Variants in MIB1 observed in about 807,000 individuals in gnomAD.
The protein encoded by MIB1 is E3 ubiquitin-protein ligase MIB1.
Under a neutral mutation model 124.5 loss-of-function variants are expected in MIB1, and 278 were observed. That is an observed-to-expected ratio of 2.23 (90% CI 2.02 to 2.47). The LOEUF (loss-of-function observed/expected upper bound fraction) is 2.47. Among genes scored for constraint, MIB1 ranks in the 30% most tolerant of loss-of-function variants. MIB1 has a pLI of 0.00. For synonymous variants in MIB1, 446 were observed against 429.4 expected (o/e 1.04, Z -0.48); for missense variants, 957 against 1,254.4 (o/e 0.76, Z 3.58).
At chr18:21,730,702 T>A (rs1186543766) in intron 1 of MIB1, among the ~76,000 whole-genome samples, 1 of 152,246 alleles carries the variant, frequency 6.6e-6, no homozygotes, top group East Asian at 1.9e-4. Context: ...ATTAGTTTGA[T>A]GGTCTGCCAA....
At chr18:21,769,971 AG>A (rs1315513011) in intron 3 of MIB1, among the ~76,000 whole-genome samples, 1 of 152,226 alleles carries the variant, frequency 6.6e-6, no homozygotes, top group East Asian at 1.9e-4. Context: ...TGGGAGGCTG[AG>A]GCGGGTGGAT....
intron 12 of MIB1, among the ~76,000 whole-genome samples, chr18:21,836,025 G>A (rs1488065126): frequency 6.6e-6 from 1 of 151,896 alleles, no homozygotes; most frequent in Admixed American, 6.6e-5. Flanking sequence ...AAGGCAGGTG[G>A]ATGGCTTAAG....
chr18:21,851,510 C>T lies in MIB1; in HGVS notation c.2587-1630C>T, dbSNP rs191710186. 5.3e-5 allele frequency among the ~76,000 whole-genome samples: 8 copies of T among 152,084 alleles called. No homozygotes were observed. The East Asian group carries it at 5.8e-4, about 11-fold the overall frequency. ...AGGTTGGTTGTAGAGCCTTTGACTA[C>T]GAAGAAATAGTGACCCCAAGTGGTT... is the stretch of plus-strand genomic sequence containing the variant. On this transcript the variant is annotated intron_variant, in intron 17 of 20. Coordinates refer to ENST00000261537, the MANE Select transcript of MIB1 (RefSeq NM_020774.4).
chr18:21,825,840 C>T, intron 12 of MIB1: 2 of 443,082 alleles, frequency 4.5e-6, no homozygotes, highest in East Asian at 1.3e-4. Context: ...GGTAAAATTA[C>T]AGTCATGGAC....
chr18:21,771,955 G>A (rs543912619), intron 3 of MIB1, among the ~76,000 whole-genome samples: 7 of 152,050 alleles, frequency 4.6e-5, no homozygotes, highest in East Asian at 3.9e-4. Flanking sequence ...AGCCGAGATC[G>A]TGCCATTGCA....
chr18:21,783,991 C>CCTCA (rs1490584568), intron 6 of MIB1, among the ~76,000 whole-genome samples: 2 of 151,544 alleles, frequency 1.3e-5, no homozygotes, highest in African/African-American at 2.4e-5. Context: ...AATCCTCCTG[C>CCTCA]CTCACCCTCC....
intron 12 of MIB1, chr18:21,828,880 TG>T: frequency 3.3e-6 from 1 of 307,102 alleles, no homozygotes; most frequent in South Asian, 2.9e-5. Flanking sequence ...CTTTTTTTTT[TG>T]GTGTTAGTAT....
chr18:21,763,350 A>G (rs1343624306), intron 1 of MIB1, among the ~76,000 whole-genome samples: 2 of 152,170 alleles, frequency 1.3e-5, no homozygotes, highest in East Asian at 3.8e-4. Context: ...GCGTAACTCT[A>G]TAATTTATCT....
At chr18:21,794,176 A>G (rs1327426979) in intron 7 of MIB1, 1 of 152,206 alleles carries the variant, frequency 6.6e-6, no homozygotes, top group Non-Finnish European at 1.5e-5. Context: ...AAATTGCAAA[A>G]AAACGAAAAA....
At chr18:21,763,468 G>A (rs567703211) in intron 1 of MIB1, among the ~76,000 whole-genome samples, 5 of 152,094 alleles carry the variant, frequency 3.3e-5, no homozygotes, top group African/African-American at 4.8e-5. Flanking sequence ...AGATCTACTC[G>A]TCCATCATTT....
intron 20 of MIB1, among the ~76,000 whole-genome samples, chr18:21,858,938 T>TA (rs756107474): frequency 3.3e-5 from 5 of 152,168 alleles, no homozygotes; most frequent in Non-Finnish European, 7.3e-5. Flanking sequence ...AGGAAAATGT[T>TA]AAAGACTGTC....
intron 1 of MIB1, among the ~76,000 whole-genome samples, chr18:21,746,257 T>A (rs1242644135): frequency 6.6e-6 from 1 of 152,234 alleles, no homozygotes; most frequent in Non-Finnish European, 1.5e-5. Flanking sequence ...TGAATCTTTC[T>A]GATACGATTT....
chr18:21,732,983 A>C (rs1199001444), intron 1 of MIB1, among the ~76,000 whole-genome samples: 3 of 152,136 alleles, frequency 2.0e-5, no homozygotes, highest in African/African-American at 7.2e-5. Flanking sequence ...GCATCTCAAA[A>C]AACGGTTGCC....
intron 20 of MIB1, among the ~76,000 whole-genome samples, chr18:21,861,990 C>T (rs2042280653): frequency 6.6e-6 from 1 of 151,950 alleles, no homozygotes; most frequent in South Asian, 2.1e-4. Context: ...CATACTGAAA[C>T]TCCTGGGTTC....
At chr18:21,749,994 T>C (rs1417924778) in intron 1 of MIB1, among the ~76,000 whole-genome samples, 2 of 152,062 alleles carry the variant, frequency 1.3e-5, no homozygotes, top group East Asian at 3.8e-4. Context: ...TTTTAACCAG[T>C]GAGTTAGAAA....
At chr18:21,758,360 G>A (rs1243498451) in intron 1 of MIB1, among the ~76,000 whole-genome samples, 1 of 152,154 alleles carries the variant, frequency 6.6e-6, no homozygotes, top group Non-Finnish European at 1.5e-5. Flanking sequence ...ATGGTTCAGG[G>A]AAAATAAGAT....
intron 16 of MIB1, 98 bp downstream of exon 16, chr18:21,847,223 T>G (rs2042142993): frequency 9.5e-7 from 1 of 1,056,088 alleles, no homozygotes; most frequent in African/African-American, 1.6e-5. Context: ...TGTCTTCATC[T>G]TTGCTCTTCC....
At chr18:21,813,682 T>C (rs775658594) in intron 10 of MIB1, among the ~76,000 whole-genome samples, 254 of 152,352 alleles carry the variant, frequency 1.7e-3, no homozygotes, top group Non-Finnish European at 1.7e-3. Flanking sequence ...GTTCTGTAAC[T>C]GTTTTGAATG....
intron 9 of MIB1, among the ~76,000 whole-genome samples, chr18:21,800,560 T>A (rs931847292): frequency 1.3e-5 from 2 of 152,138 alleles, no homozygotes; most frequent in Admixed American, 1.3e-4. Flanking sequence ...CTAGTCATTG[T>A]GCTTTGGCTT....
Sources: gnomAD v4.1 joint callset for allele counts (sites outside exome capture counted in the v4.1 genomes callset) on GRCh38, gnomAD v4.1.1 for gene constraint, MANE v1.5 for transcripts, NCBI Gene and HGNC (gene_info 2026-07-23, HGNC 2026-07-21) for gene names.